ARL15: variants seen among roughly 807,000 people sequenced by gnomAD.
ARL15 encodes the protein ADP-ribosylation factor-like protein 15.
ARL15 carries 19 observed loss-of-function variants against 25.2 expected under a neutral mutation model. The observed-to-expected ratio is 0.75, with a 90% CI of 0.53 to 1.10. The LOEUF (loss-of-function observed/expected upper bound fraction) is 1.10, where lower values mean the gene tolerates loss of function less well. ARL15 is among the 50% of genes least tolerant of loss of function. The pLI is 0.00. For synonymous variants in ARL15, 94 were observed against 86.8 expected (o/e 1.08, Z -0.46); for missense variants, 220 against 246.0 (o/e 0.89, Z 0.71).
chr5:54,163,555 A>T (rs1325548210), intron 2 of ARL15, among the ~76,000 whole-genome samples: 3 of 151,582 alleles, frequency 2.0e-5, no homozygotes, highest in Non-Finnish European at 4.4e-5. Context: ...TAGACTTAAA[A>T]AAAGAAAGAA....
At chr5:54,110,494 A>C (rs1752708735) in intron 4 of ARL15, among the ~76,000 whole-genome samples, 1 of 152,044 alleles carries the variant, frequency 6.6e-6, no homozygotes, top group African/African-American at 2.4e-5. Flanking sequence ...ATCAAAGTTT[A>C]GTGCTTTTTG....
intron 1 of ARL15, among the ~76,000 whole-genome samples, chr5:54,306,617 C>T (rs1470746916): frequency 6.6e-6 from 1 of 152,158 alleles, no homozygotes; most frequent in Non-Finnish European, 1.5e-5. Flanking sequence ...TCTCAAACTC[C>T]TGACCTCAAG....
At chr5:53,934,340 A>G (rs547655061) in intron 4 of ARL15, among the ~76,000 whole-genome samples, 7 of 152,306 alleles carry the variant, frequency 4.6e-5, no homozygotes, top group African/African-American at 1.7e-4. Context: ...CTGTCATTTC[A>G]TGAGAAATCT....
chr5:54,004,880 G>A (rs933294709), intron 4 of ARL15, among the ~76,000 whole-genome samples: 1 of 152,094 alleles, frequency 6.6e-6, no homozygotes, highest in Non-Finnish European at 1.5e-5. Flanking sequence ...ATTTTGTTGA[G>A]GGCCTACAAT....
chr5:54,180,164 A>C (rs1481585476), intron 1 of ARL15, among the ~76,000 whole-genome samples: 1 of 152,154 alleles, frequency 6.6e-6, no homozygotes, highest in Non-Finnish European at 1.5e-5. Flanking sequence ...GTGTATGTAA[A>C]TTATATCTCA....
chr5:54,175,805 A>C (rs576582606), intron 1 of ARL15, among the ~76,000 whole-genome samples: 1 of 150,996 alleles, frequency 6.6e-6, no homozygotes, highest in African/African-American at 2.4e-5. Context: ...AGTGTGCACC[A>C]CCACACCCAG....
chr5:53,998,602 T>C (rs1246783694), intron 4 of ARL15, among the ~76,000 whole-genome samples: 1 of 152,220 alleles, frequency 6.6e-6, no homozygotes, highest in African/African-American at 2.4e-5. Flanking sequence ...AGGTTAGAGA[T>C]GCAAAAGAAT....
chr5:54,015,466 A>G (rs968831626), intron 4 of ARL15, among the ~76,000 whole-genome samples: 9 of 152,170 alleles, frequency 5.9e-5, no homozygotes, highest in East Asian at 3.8e-4. Context: ...ACATCCATAC[A>G]TAAGTTACTC....
chr5:54,056,589 C>T (rs1750876588), intron 4 of ARL15, among the ~76,000 whole-genome samples: 1 of 150,364 alleles, frequency 6.7e-6, no homozygotes, highest in Admixed American at 6.6e-5. Context: ...AACATTGCGC[C>T]ACTGCACTCC....
At chr5:54,040,992 T>G (rs1358081757) in intron 4 of ARL15, among the ~76,000 whole-genome samples, 1 of 152,210 alleles carries the variant, frequency 6.6e-6, no homozygotes, top group African/African-American at 2.4e-5. Flanking sequence ...CCAGCAAGTG[T>G]AGAGCAGACT....
intron 4 of ARL15, among the ~76,000 whole-genome samples, chr5:53,890,784 T>G (rs1744683673): frequency 6.6e-6 from 1 of 152,206 alleles, no homozygotes. Context: ...GCGTTTACTG[T>G]AAAGTCCCAA....
At chr5:54,194,860 G>T (rs1755506939) in intron 1 of ARL15, among the ~76,000 whole-genome samples, 1 of 152,160 alleles carries the variant, frequency 6.6e-6, no homozygotes, top group African/African-American at 2.4e-5. Flanking sequence ...TACCAAGGGA[G>T]AATTTTACCT....
At chr5:53,973,834 G>T (rs1041079389) in intron 4 of ARL15, among the ~76,000 whole-genome samples, 1 of 151,970 alleles carries the variant, frequency 6.6e-6, no homozygotes, top group Admixed American at 6.6e-5. Context: ...AATTTTAAAA[G>T]GTATAAGCTG....
intron 1 of ARL15, among the ~76,000 whole-genome samples, chr5:54,215,527 A>G (rs976665688): frequency 6.6e-6 from 1 of 151,952 alleles, no homozygotes; most frequent in Non-Finnish European, 1.5e-5. Context: ...AGTCATACAC[A>G]TAAAAAATTC....
chr5:54,170,999 A>G (rs1179045006), intron 2 of ARL15, among the ~76,000 whole-genome samples: 1 of 152,142 alleles, frequency 6.6e-6, no homozygotes, highest in East Asian at 1.9e-4. Context: ...CTGTTCTTCC[A>G]TTATTTCCTC....
chr5:53,979,068 G>C (rs991894745), intron 4 of ARL15, among the ~76,000 whole-genome samples: 6 of 152,262 alleles, frequency 3.9e-5, no homozygotes, highest in African/African-American at 1.2e-4. Flanking sequence ...CTGTGGGTCA[G>C]GTTACTCCTG....
chr5:53,944,914 G>A (rs1264852472), intron 4 of ARL15, among the ~76,000 whole-genome samples: 1 of 152,206 alleles, frequency 6.6e-6, no homozygotes, highest in Non-Finnish European at 1.5e-5. Flanking sequence ...ACACTATGCA[G>A]AGACAGGCCA....
intron 1 of ARL15, among the ~76,000 whole-genome samples, chr5:54,184,407 C>T (rs1755167377): frequency 1.4e-5 from 2 of 138,540 alleles, no homozygotes; most frequent in Admixed American, 7.8e-5. Flanking sequence ...TGTGCCACTG[C>T]ACTCCAGCCT....
intron 4 of ARL15, among the ~76,000 whole-genome samples, chr5:54,070,091 G>A (rs1751372202): frequency 6.7e-6 from 1 of 150,128 alleles, no homozygotes; most frequent in South Asian, 2.2e-4. Flanking sequence ...GAAGGGGTCT[G>A]TTATAAAAGT....
Sources: gnomAD v4.1 joint callset for allele counts (sites outside exome capture counted in the v4.1 genomes callset) on GRCh38, gnomAD v4.1.1 for gene constraint, MANE v1.5 for transcripts, NCBI Gene and HGNC (gene_info 2026-07-23, HGNC 2026-07-21) for gene names.